The following ERBB4 variants were observed in gnomAD, a reference collection of about 807,000 sequenced individuals.
The protein encoded by ERBB4 is receptor tyrosine-protein kinase erbB-4.
ERBB4 carries 42 observed loss-of-function variants against 158.0 expected under a neutral mutation model. The ratio of observed to expected loss-of-function variants is 0.27; its 90% CI spans 0.21 to 0.34. ERBB4 has a LOEUF of 0.34. Among genes scored for constraint, ERBB4 ranks in the 10% least tolerant of loss-of-function variants. ERBB4 has a pLI of 1.00. For synonymous variants in ERBB4, 583 were observed against 558.7 expected, an observed-to-expected ratio of 1.04 and a Z score of -0.61; for missense variants, 1,333 against 1,624.1, an observed-to-expected ratio of 0.82 and a Z score of 3.08.
rs1238459626 is a variant in ERBB4 at position 211,948,531 on chromosome 2, G to A, written c.235-915C>T. Among the ~76,000 whole-genome samples, 4 of 145,710 alleles carry A rather than the reference G, an allele frequency of 2.7e-5. No individual in the cohort carries two copies. The East Asian group carries it at 6.1e-4, about 22-fold the overall frequency. ...TTTTACTGCCCACTGTTTAAATTTA[G>A]TTGTCTATAATAAGTTAATTATTTG... On this transcript the variant is annotated intron_variant, in intron 2 of 27. Coordinates refer to ENST00000342788, the MANE Select transcript of ERBB4 (RefSeq NM_005235.3).
chr2:212,152,282 T>G (rs2080897145), intron 1 of ERBB4, among the ~76,000 whole-genome samples: 2 of 152,116 alleles, frequency 1.3e-5, no homozygotes. Context: ...TAAAAGGGAG[T>G]TATTAATAAT....
intron 12 of ERBB4, among the ~76,000 whole-genome samples, chr2:211,683,082 G>T (rs2072420434): frequency 1.3e-5 from 2 of 150,994 alleles, no homozygotes; most frequent in African/African-American, 4.9e-5. Flanking sequence ...TATCTTTTGG[G>T]TTTATAATAT....
intron 19 of ERBB4, among the ~76,000 whole-genome samples, chr2:211,565,473 G>T (rs2067519345): frequency 6.6e-6 from 1 of 152,198 alleles, no homozygotes; most frequent in African/African-American, 2.4e-5. Context: ...AATTTCCAAA[G>T]ATTTGAAAGT....
intron 4 of ERBB4, among the ~76,000 whole-genome samples, chr2:211,754,623 G>A (rs1359047263): frequency 6.6e-6 from 1 of 151,760 alleles, no homozygotes; most frequent in Non-Finnish European, 1.5e-5. Flanking sequence ...TGGCCAGGCT[G>A]GTCTTGAACT....
Position 211,387,044 on chromosome 2 carries a change from G to T in ERBB4, c.3290C>A (p.Ala1097Asp), listed in dbSNP as rs757766994. 1.9e-6 allele frequency: 3 copies of T among 1,614,010 alleles called. No individual in the cohort carries two copies. The South Asian group carries it at 3.3e-5, about 18-fold the overall frequency. Residue 1097 changes from alanine to aspartate, a missense_variant, in exon 27 of 28, where the codon GCT (alanine) becomes GAT (aspartate). Coordinates refer to ENST00000342788, the MANE Select transcript of ERBB4 (RefSeq NM_005235.3). ...TIPEAPVAQG[A>D]TAEIFDDSCC... ...GGAGTCATCAAAAATCTCAGCAGTA[G>T]CACCCTGTGCCACAGGAGCTTCTGG... is the stretch of plus-strand genomic sequence containing the variant.
intron 3 of ERBB4, among the ~76,000 whole-genome samples, chr2:211,898,028 T>C (rs1395856509): frequency 6.6e-6 from 1 of 152,120 alleles, no homozygotes; most frequent in Admixed American, 6.5e-5. Flanking sequence ...CCTTCCACAG[T>C]GCTGGGGTTA....
chr2:212,121,119 G>T (rs891436543), intron 2 of ERBB4, among the ~76,000 whole-genome samples: 4 of 152,202 alleles, frequency 2.6e-5, no homozygotes, highest in Admixed American at 6.5e-5. Context: ...GTATTATGAA[G>T]ATTTTGGCAA....
At chr2:211,536,829 T>C (rs565686967) in intron 20 of ERBB4, among the ~76,000 whole-genome samples, 2 of 152,150 alleles carry the variant, frequency 1.3e-5, no homozygotes, top group Non-Finnish European at 2.9e-5. Flanking sequence ...TAACTTTAAC[T>C]GGAGCTCTTT....
chr2:212,425,405 T>C (rs889472391), intron 1 of ERBB4, among the ~76,000 whole-genome samples: 3 of 149,120 alleles, frequency 2.0e-5, no homozygotes, highest in African/African-American at 7.3e-5. Flanking sequence ...TGTATACATA[T>C]ATATGTATAT....
At chr2:212,466,899 A>T (rs1201213006) in intron 1 of ERBB4, among the ~76,000 whole-genome samples, 1 of 152,220 alleles carries the variant, frequency 6.6e-6, no homozygotes, top group Non-Finnish European at 1.5e-5. Context: ...TGAGAGTGAT[A>T]TGAACAATAA....
intron 3 of ERBB4, among the ~76,000 whole-genome samples, chr2:211,838,211 G>T (rs184147054): frequency 1.3e-5 from 2 of 152,118 alleles, no homozygotes; most frequent in Admixed American, 1.3e-4. Flanking sequence ...ATGAAAGTCT[G>T]GTTATTTGAG....
rs987556881 is a variant in ERBB4 at position 211,929,782 on chromosome 2, G to T, written c.421+17648C>A. On this transcript the variant is annotated intron_variant, in intron 3 of 27. Transcript: ENST00000342788. ...TGTGCATGGCTATGCATAATAGTTA[G>T]ATATTATACTCATATAGACATATAA... Among the ~76,000 whole-genome samples the T allele has an allele frequency of 2.6e-5, 4 of 152,114 alleles. No homozygotes were observed. The South Asian group carries it at 8.3e-4, about 31-fold the overall frequency.
rs2062532761 is a variant in ERBB4, at chr2:211,379,221, CCA to C, written c.*4392_*4393del. On this transcript the variant is annotated 3_prime_UTR_variant, in exon 28 of 28. Coordinates refer to ENST00000342788, the MANE Select transcript of ERBB4 (RefSeq NM_005235.3). ...TTGTTTGTTTGCTAGCTAAATGACA[CCA>C]CTCCTTTTTTTTTTTGTCTCTGCAT... is the stretch of plus-strand genomic sequence containing the variant. The C allele has an allele frequency of 1.3e-5, 3 of 229,492 alleles. No homozygotes were observed. The South Asian group carries it at 5.5e-4, about 42-fold the overall frequency. The allele number at this position is 229,492 out of a possible 1,614,324, so 14.2% of individuals were successfully genotyped here.
chr2:212,532,203 G>A (rs548066061), intron 1 of ERBB4, among the ~76,000 whole-genome samples: 4 of 152,186 alleles, frequency 2.6e-5, no homozygotes, highest in Non-Finnish European at 2.9e-5. Flanking sequence ...ATTTCCTTGC[G>A]CTGTCAGTTT....
chr2:211,574,239 G>A (rs2067825863), intron 19 of ERBB4, among the ~76,000 whole-genome samples: 1 of 152,122 alleles, frequency 6.6e-6, no homozygotes, highest in Non-Finnish European at 1.5e-5. Context: ...AAACAGTTTT[G>A]CTGTCAGCAC....
intron 3 of ERBB4, among the ~76,000 whole-genome samples, chr2:211,916,448 G>A (rs1303011573): frequency 6.6e-6 from 1 of 152,080 alleles, no homozygotes; most frequent in East Asian, 1.9e-4. Context: ...CCAAAGCACT[G>A]GGATTACGTG....
intron 1 of ERBB4, among the ~76,000 whole-genome samples, chr2:212,443,577 C>T (rs2092295836): frequency 6.6e-6 from 1 of 152,150 alleles, no homozygotes; most frequent in African/African-American, 2.4e-5. Flanking sequence ...TTACTCCGGC[C>T]AATTTATTGA....
At chr2:212,191,567 CACATGTGTTATGCCTGTTAT>C (rs1559701276) in intron 1 of ERBB4, among the ~76,000 whole-genome samples, 381 of 20,520 alleles carry the variant, frequency 0.019, 6 homozygotes, top group Middle Eastern at 0.062. Flanking sequence ...TTATATATAA[CACATGTGTTATGCCTGTTAT>C]ATATAACACA....
At chr2:212,292,701 A>G (rs1165447562) in intron 1 of ERBB4, among the ~76,000 whole-genome samples, 1 of 152,082 alleles carries the variant, frequency 6.6e-6, no homozygotes, top group East Asian at 1.9e-4. Flanking sequence ...CAAAAGGATT[A>G]TGGATTATGG....
Sources: allele counts gnomAD v4.1 joint callset (sites outside exome capture counted in the v4.1 genomes callset), GRCh38; gene constraint gnomAD v4.1.1; transcripts MANE v1.5; gene names NCBI Gene and HGNC (gene_info 2026-07-23, HGNC 2026-07-21).